The following BANP variants were observed in gnomAD, a reference collection of about 807,000 sequenced individuals.
BANP encodes protein BANP.
BANP carries 11 observed loss-of-function variants against 68.1 expected under a neutral mutation model. The ratio of observed to expected loss-of-function variants is 0.16; its 90% confidence interval spans 0.10 to 0.27. The LOEUF (loss-of-function observed/expected upper bound fraction) is 0.27. Among genes scored for constraint, BANP ranks in the 10% least tolerant of loss-of-function variants. The pLI is 1.00. For missense variants in BANP, 504 were observed against 722.7 expected (o/e 0.70, Z 3.47); for synonymous variants, 329 against 303.2 (o/e 1.09, Z -0.88).
At chr16:88,008,174 C>A (rs569087474) in intron 6 of BANP, among the ~76,000 whole-genome samples, 58 of 152,234 alleles carry the variant, frequency 3.8e-4, no homozygotes, top group African/African-American at 1.3e-3. Flanking sequence ...TTCATGGCTG[C>A]GTGATGTGCC....
intron 4 of BANP, among the ~76,000 whole-genome samples, chr16:87,988,773 G>C (rs915333910): frequency 9.8e-5 from 15 of 152,288 alleles, no homozygotes; most frequent in South Asian, 2.1e-4. Context: ...GAGAGAGTGC[G>C]AGAAGCTGCC....
chr16:87,992,609 C>G (rs1398318721), intron 4 of BANP, among the ~76,000 whole-genome samples: 1 of 151,988 alleles, frequency 6.6e-6, no homozygotes, highest in Non-Finnish European at 1.5e-5. Flanking sequence ...GCCTGGCTAA[C>G]GAGGCGAAAC....
Position 87,957,426 on chromosome 16 carries a change from C to T in BANP, c.-69+5911C>T, listed in dbSNP as rs181777015. ...CCCTCTGCTCGTCTGTGTCCACATT[C>T]TGTCGTGGTTGAGACCGGATCCTGT... is the stretch of plus-strand genomic sequence containing the variant. On this transcript the variant is annotated intron_variant, in intron 1 of 13. Transcript: ENST00000682872. This position sits in a 1 kb window ranked among gnomAD's most constrained non-coding sequence, Gnocchi z 4.3. Among the ~76,000 whole-genome samples the T allele has an allele frequency of 4.6e-5, 7 of 152,348 alleles. No individual in the cohort carries two copies. Among genetic ancestry groups the T allele is most frequent in the Middle Eastern group, 3.4e-3 (1 of 294 alleles).
rs2079042875 is a variant in BANP at position 88,035,168 on chromosome 16, A to C, written c.1201-155A>C. 13 of 734,286 alleles carry C rather than the reference A, an allele frequency of 1.8e-5. 1 individual carries two copies. The Admixed American group carries it at 2.9e-4, about 16-fold the overall frequency. The allele number at this position is 734,286 out of a possible 1,614,324, so 45.5% of individuals were successfully genotyped here. A position where few individuals can be genotyped will look rare whatever the true frequency, so the allele number is the denominator to read the frequency against. On this transcript the variant is annotated intron_variant, in intron 9 of 13. Coordinates refer to ENST00000682872, the MANE Select transcript of BANP (RefSeq NM_001386991.1). ...TACTGTGAACCAAAAGCTTAATTTA[A>C]AGAAGTGACCACAGACTATATTGCA...
chr16:88,019,835 C>T (rs2075645509), intron 7 of BANP, among the ~76,000 whole-genome samples: 1 of 152,172 alleles, frequency 6.6e-6, no homozygotes, highest in African/African-American at 2.4e-5. Context: ...TGGAAGGGCT[C>T]CGCTGTTCCG....
At chr16:87,959,703 C>T (rs1379935257) in intron 1 of BANP, among the ~76,000 whole-genome samples, 1 of 151,942 alleles carries the variant, frequency 6.6e-6, no homozygotes, top group African/African-American at 2.4e-5. Context: ...GGCAGAGGGG[C>T]GATGCCACCC....
At chr16:88,019,777 G>C (rs968777975) in intron 7 of BANP, among the ~76,000 whole-genome samples, 6 of 152,128 alleles carry the variant, frequency 3.9e-5, no homozygotes, top group African/African-American at 2.4e-5. Context: ...TTGCTCCTCT[G>C]GGAAGCACAG....
At chr16:88,033,611 C>T (rs545079628) in intron 9 of BANP, among the ~76,000 whole-genome samples, 2 of 152,326 alleles carry the variant, frequency 1.3e-5, no homozygotes, top group South Asian at 4.1e-4. Context: ...TTCAGAAGTG[C>T]AGGCGCTCTC....
chr16:88,067,598 C>G (rs567036258), intron 12 of BANP, among the ~76,000 whole-genome samples: 1 of 152,192 alleles, frequency 6.6e-6, no homozygotes, highest in Non-Finnish European at 1.5e-5. Context: ...TTCCTTGGCA[C>G]TATTTCCAAA....
At chr16:87,998,777 C>T (rs2068078305) in intron 4 of BANP, among the ~76,000 whole-genome samples, 1 of 143,940 alleles carries the variant, frequency 6.9e-6, no homozygotes, top group Non-Finnish European at 1.5e-5. Flanking sequence ...CGTCTCCATG[C>T]ACGCACGTGC....
chr16:88,038,242 C>T (rs1421377745), intron 11 of BANP, among the ~76,000 whole-genome samples: 1 of 152,164 alleles, frequency 6.6e-6, no homozygotes, highest in Non-Finnish European at 1.5e-5. Flanking sequence ...GTGAGTGCCA[C>T]AGTCCCCCTC....
intron 11 of BANP, among the ~76,000 whole-genome samples, chr16:88,042,168 C>T (rs1374122121): frequency 6.6e-6 from 1 of 152,240 alleles, no homozygotes; most frequent in Non-Finnish European, 1.5e-5. Context: ...GGTGCTCAGC[C>T]TCCTGTGACC....
At chr16:88,035,919 G>A (rs1476054612) in intron 10 of BANP, among the ~76,000 whole-genome samples, 2 of 152,246 alleles carry the variant, frequency 1.3e-5, no homozygotes, top group East Asian at 1.9e-4. Context: ...GTCTGTGATT[G>A]TCTCAGTTTC....
intron 4 of BANP, among the ~76,000 whole-genome samples, chr16:87,996,965 T>C (rs1187727298): frequency 6.6e-6 from 1 of 152,216 alleles, no homozygotes; most frequent in Non-Finnish European, 1.5e-5. Flanking sequence ...TGTGCTCCAT[T>C]TTGTGTGGTC....
Position 88,076,579 on chromosome 16 carries a change from C to T in BANP, c.1522-11C>T. 1 of 1,612,230 alleles carries T rather than the reference C, an allele frequency of 6.2e-7. No homozygotes were observed. Among genetic ancestry groups the T allele is most frequent in the Non-Finnish European group, 8.5e-7 (1 of 1,179,476 alleles). ...TTTTTCTAGAAAGTCCCTCCTTTCT[C>T]CCTTTTGCAGACGGCCGAAGCCCTG... On this transcript the variant is annotated splice_polypyrimidine_tract_variant and intron_variant, in intron 13 of 13. Coordinates refer to ENST00000682872, the MANE Select transcript of BANP (RefSeq NM_001386991.1).
rs1242580088 is a variant in BANP at position 88,002,484 on chromosome 16, G to A, written c.363-1811G>A. Among the ~76,000 whole-genome samples the A allele has an allele frequency of 6.6e-6, 1 of 152,058 alleles. No homozygotes were observed. The highest frequency in any genetic ancestry group is 1.5e-5 in the Non-Finnish European group (1 of 68,012). The stretch of plus-strand genomic sequence containing the variant: ...TGTTCAGAGCAGAGGTTGTTTTTTA[G>A]GTGGGAAAAGGGCTTTGTGGAAGGG... On this transcript the variant is annotated intron_variant, in intron 4 of 13. Transcript: ENST00000682872. The surrounding 1 kb of genome is among the most constrained non-coding windows in gnomAD (Gnocchi z 4.6).
At chr16:88,059,546 A>G (rs987808464) in intron 11 of BANP, among the ~76,000 whole-genome samples, 1 of 152,090 alleles carries the variant, frequency 6.6e-6, no homozygotes, top group Non-Finnish European at 1.5e-5. Context: ...GGTTCAGGCC[A>G]CAGGACCCTC....
intron 1 of BANP, among the ~76,000 whole-genome samples, chr16:87,963,120 C>T (rs2059471010): frequency 6.6e-6 from 1 of 152,122 alleles, no homozygotes; most frequent in South Asian, 2.1e-4. Context: ...CTTGCCATTC[C>T]AGCTCGGGTG....
intron 9 of BANP, among the ~76,000 whole-genome samples, chr16:88,034,018 C>G (rs888813034): frequency 3.9e-5 from 6 of 152,180 alleles, no homozygotes; most frequent in African/African-American, 1.4e-4. Context: ...GAAGACAGGT[C>G]ATCGTGTGCC....
Sources: allele counts gnomAD v4.1 joint callset (sites outside exome capture counted in the v4.1 genomes callset), GRCh38; gene constraint gnomAD v4.1.1; non-coding constraint Gnocchi (gnomAD v3.1); transcripts MANE v1.5; gene names NCBI Gene and HGNC (gene_info 2026-07-23, HGNC 2026-07-21).